Variants in MDGA2 observed in about 807,000 individuals in gnomAD.
The protein encoded by MDGA2 is MAM domain containing glycosylphosphatidylinositol anchor 2.
Under a neutral mutation model 117.8 loss-of-function variants are expected in MDGA2, and 40 were observed. The ratio of observed to expected loss-of-function variants is 0.34; its 90% CI spans 0.26 to 0.44. The LOEUF is 0.44. Ranked by LOEUF, MDGA2 falls within the 20% of genes least tolerant of loss-of-function variation. MDGA2 has a pLI of 1.00. For synonymous variants in MDGA2, 452 were observed against 439.0 expected (o/e 1.03, Z -0.37); for missense variants, 1,123 against 1,250.6 (o/e 0.90, Z 1.54).
intron 1 of MDGA2, among the ~76,000 whole-genome samples, chr14:47,646,349 CAT>C (rs1231481819): frequency 2.6e-5 from 4 of 151,788 alleles, no homozygotes; most frequent in Admixed American, 6.6e-5. Flanking sequence ...ACACATATAA[CAT>C]ATATAATACT....
chr14:47,133,613 C>T (rs1279589029), intron 4 of MDGA2, among the ~76,000 whole-genome samples: 1 of 151,914 alleles, frequency 6.6e-6, no homozygotes, highest in Non-Finnish European at 1.5e-5. Context: ...CAGAATTCTC[C>T]CTTAAGTTTC....
chr14:47,651,656 C>A (rs1362556670), intron 1 of MDGA2, among the ~76,000 whole-genome samples: 1 of 151,898 alleles, frequency 6.6e-6, no homozygotes, highest in Non-Finnish European at 1.5e-5. Flanking sequence ...GGGGTACTCA[C>A]AGGGCAAATG....
rs118148708 is a variant in MDGA2 at position 47,649,546 on chromosome 14, A to C, written c.280+24971T>G. 8.5e-5 allele frequency among the ~76,000 whole-genome samples: 13 copies of C among 152,188 alleles called. No individual in the cohort carries two copies. The East Asian group carries it at 2.5e-3, about 29-fold the overall frequency. ...CCAAAAATACAAAAATTACCTGAGC[A>C]TGGAGACACGTGCCTGTAATTCCAG... On this transcript the variant is annotated intron_variant, in intron 1 of 16. Transcript: ENST00000399232.
In MDGA2 at chr14:46,873,321, G is replaced by C. The variant is rs147990937; in HGVS notation, c.2752+112C>G. ...AATTTGCAGATAAATCATTTAAAAA[G>C]TGAATTATAGCATTCTTTGACCAAA... On this transcript the variant is annotated intron_variant, in intron 14 of 16. Coordinates refer to ENST00000399232, the MANE Select transcript of MDGA2 (RefSeq NM_001113498.3). 3.2e-5 allele frequency: 29 copies of C among 917,034 alleles called. No homozygotes were observed. In the East Asian group the frequency reaches 7.6e-4, roughly 24 times the overall value. 56.8% of individuals were successfully genotyped at this position (917,034 alleles called of 1,614,324 possible).
intron 1 of MDGA2, among the ~76,000 whole-genome samples, chr14:47,579,087 A>G (rs1465705399): frequency 6.6e-6 from 1 of 152,142 alleles, no homozygotes; most frequent in Non-Finnish European, 1.5e-5. Flanking sequence ...AGAACAGGAA[A>G]GACAATTGAA....
chr14:46,869,252 T>C (rs573211470), intron 14 of MDGA2, among the ~76,000 whole-genome samples: 2 of 152,106 alleles, frequency 1.3e-5, no homozygotes, highest in South Asian at 4.1e-4. Context: ...TGATATGATA[T>C]GACCTTTACA....
intron 5 of MDGA2, among the ~76,000 whole-genome samples, chr14:47,126,039 T>C (rs1881886848): frequency 6.6e-6 from 1 of 152,022 alleles, no homozygotes; most frequent in Non-Finnish European, 1.5e-5. Context: ...TACTCAGTTA[T>C]CCTAATTATG....
At chr14:47,174,311 G>A (rs370020889) in intron 3 of MDGA2, among the ~76,000 whole-genome samples, 82 of 152,010 alleles carry the variant, frequency 5.4e-4, no homozygotes, top group African/African-American at 1.6e-3. Context: ...ATAGACATCT[G>A]CAGAACTCTC....
chr14:46,988,983 T>A (rs1040276737), intron 8 of MDGA2, among the ~76,000 whole-genome samples: 1 of 151,996 alleles, frequency 6.6e-6, no homozygotes, highest in Admixed American at 6.6e-5. Flanking sequence ...AAAGAAAGCA[T>A]ATCCATGGCA....
intron 1 of MDGA2, among the ~76,000 whole-genome samples, chr14:47,337,148 G>T (rs961905365): frequency 6.6e-6 from 1 of 151,974 alleles, no homozygotes; most frequent in Non-Finnish European, 1.5e-5. Flanking sequence ...TTAAATTATA[G>T]TGATACCGTT....
chr14:47,212,019 T>C (rs1454695465), intron 3 of MDGA2, among the ~76,000 whole-genome samples: 1 of 150,642 alleles, frequency 6.6e-6, no homozygotes, highest in Non-Finnish European at 1.5e-5. Context: ...AGTGGAGCTA[T>C]ATTTTGAATA....
intron 8 of MDGA2, among the ~76,000 whole-genome samples, chr14:46,966,110 T>C (rs971939364): frequency 6.6e-6 from 1 of 152,126 alleles, no homozygotes; most frequent in African/African-American, 2.4e-5. Context: ...ATTATATTTC[T>C]TGACACTGAA....
At chr14:47,422,266 C>A (rs1179488044) in intron 1 of MDGA2, among the ~76,000 whole-genome samples, 2 of 152,134 alleles carry the variant, frequency 1.3e-5, no homozygotes, top group African/African-American at 4.8e-5. Flanking sequence ...ATGTTGACTT[C>A]CCAATTACTT....
intron 9 of MDGA2, among the ~76,000 whole-genome samples, chr14:46,952,868 A>T (rs973001710): frequency 4.6e-5 from 7 of 151,938 alleles, no homozygotes; most frequent in Admixed American, 3.9e-4. Context: ...AATATTAATG[A>T]ATGCTTTGAA....
At chr14:47,407,708 G>A (rs75958141) in intron 1 of MDGA2, among the ~76,000 whole-genome samples, 2,322 of 152,214 alleles carry the variant, frequency 0.015, 58 homozygotes, top group East Asian at 0.11. Flanking sequence ...CTGATTCATC[G>A]TTAATCAATA....
At chr14:47,291,344 C>A (rs888596091) in intron 2 of MDGA2, among the ~76,000 whole-genome samples, 1 of 152,166 alleles carries the variant, frequency 6.6e-6, no homozygotes, top group Non-Finnish European at 1.5e-5. Flanking sequence ...TTACCACCTT[C>A]CGTTATGCAC....
chr14:47,250,276 A>G (rs1238221052), intron 2 of MDGA2, among the ~76,000 whole-genome samples: 5 of 152,208 alleles, frequency 3.3e-5, no homozygotes, highest in African/African-American at 7.2e-5. Flanking sequence ...GGAACAGACC[A>G]CATGATACAA....
rs150711450 is a variant in MDGA2, at chr14:47,586,964, T to A, written c.280+87553A>T. On this transcript the variant is annotated intron_variant, in intron 1 of 16. Coordinates refer to ENST00000399232, the MANE Select transcript of MDGA2 (RefSeq NM_001113498.3). The stretch of plus-strand genomic sequence containing the variant: ...CTTTCAGAGGTCAGTACCTTAGACT[T>A]AACTACAAATAGCTATTAATTCTTG... Among the ~76,000 whole-genome samples, 272 of 152,080 alleles carry A rather than the reference T, an allele frequency of 1.8e-3. 1 individual carries two copies. The highest frequency in any genetic ancestry group is 6.3e-3 in the African/African-American group (261 of 41,536).
chr14:47,334,037 T>C (rs1043891938), intron 1 of MDGA2, among the ~76,000 whole-genome samples: 3 of 151,722 alleles, frequency 2.0e-5, no homozygotes, highest in African/African-American at 7.3e-5. Context: ...AATGACAAAC[T>C]AAAAATAAGT....
Sources: gnomAD v4.1 joint callset for allele counts (sites outside exome capture counted in the v4.1 genomes callset) on GRCh38, gnomAD v4.1.1 for gene constraint, MANE v1.5 for transcripts, NCBI Gene and HGNC (gene_info 2026-07-23, HGNC 2026-07-21) for gene names.